The following TRIOBP variants were observed in gnomAD, a reference collection of about 807,000 sequenced individuals.
TRIOBP encodes the protein TRIO and F-actin binding protein.
In TRIOBP, 169 loss-of-function variants were observed where a neutral mutation model predicts 238.8. That is an observed-to-expected ratio of 0.71 (90% CI 0.62 to 0.80). TRIOBP has a LOEUF of 0.80. Among genes scored for constraint, TRIOBP ranks in the 30% least tolerant of loss-of-function variants. The pLI is 0.00. For missense variants in TRIOBP, 2,838 were observed against 3,122.6 expected, an observed-to-expected ratio of 0.91 and a Z score of 2.17; for synonymous variants, 1,150 against 1,274.4, an observed-to-expected ratio of 0.90 and a Z score of 2.08.
Position 37,775,794 on chromosome 22 carries a change from AAAG to A in TRIOBP, c.*2015_*2017del, listed in dbSNP as rs1927003358. 1 of 152,192 alleles carries A rather than the reference AAAG, an allele frequency of 6.6e-6. No individual in the cohort carries two copies. The allele number at this position is 152,192 out of a possible 1,614,324, so 9.4% of individuals were successfully genotyped here. On this transcript the variant is annotated 3_prime_UTR_variant, in exon 24 of 24. Coordinates refer to ENST00000644935, the MANE Select transcript of TRIOBP (RefSeq NM_001039141.3). The stretch of plus-strand genomic sequence containing the variant: ...AAGGGCGAAACTCCATCTCAAAAAA[AAAG>A]GGGGAGGGTGGCGCAAGGAGAGGAC...
intron 2 of TRIOBP, among the ~76,000 whole-genome samples, chr22:37,699,301 C>T (rs1013844158): frequency 9.9e-5 from 15 of 152,120 alleles, no homozygotes; most frequent in African/African-American, 2.9e-4. Flanking sequence ...TTGCCTCCCT[C>T]GCTGTGCTTC....
chr22:37,771,523 G>C (rs974081818), intron 21 of TRIOBP, 127 bp from the exon 22 acceptor site: 2 of 806,244 alleles, frequency 2.5e-6, no homozygotes, highest in African/African-American at 3.4e-5. Context: ...AGGATGTAGA[G>C]GGTTTTTGTG....
In TRIOBP at chr22:37,755,289, A is replaced by T; in HGVS notation, c.5577+99A>T. ...GAACATGGCTCACCATGGAGACTGGATCCCTTCACTCATTTACCCAGAGGC... is the reference window on the plus strand; with the variant it reads ...GAACATGGCTCACCATGGAGACTGGTTCCCTTCACTCATTTACCCAGAGGC... On this transcript the variant is annotated intron_variant, in intron 14 of 23. Coordinates refer to ENST00000644935, the MANE Select transcript of TRIOBP (RefSeq NM_001039141.3). 5 of 1,255,440 alleles carry T rather than the reference A, an allele frequency of 4.0e-6. No individual in the cohort carries two copies. The South Asian group carries it at 6.4e-5, about 16-fold the overall frequency. The allele number at this position is 1,255,440 out of a possible 1,614,324, so 77.8% of individuals were successfully genotyped here.
intron 3 of TRIOBP, among the ~76,000 whole-genome samples, chr22:37,702,975 TGAA>T (rs1242207698): frequency 6.6e-6 from 1 of 151,868 alleles, no homozygotes; most frequent in African/African-American, 2.4e-5. Context: ...ATTGAAGGAG[TGAA>T]GAAGAATCCT....
At chr22:37,753,630 A>T (rs932970298) in intron 12 of TRIOBP, among the ~76,000 whole-genome samples, 1 of 152,228 alleles carries the variant, frequency 6.6e-6, no homozygotes, top group Non-Finnish European at 1.5e-5. Flanking sequence ...TGAAGCTCAG[A>T]AAAGTGGAGA....
At chr22:37,741,073 T>C (rs1400659701) in intron 11 of TRIOBP, 41 bp downstream of exon 11, 1 of 1,546,578 alleles carries the variant, frequency 6.5e-7, no homozygotes, top group Admixed American at 2.0e-5. Context: ...TGAGGGTGGA[T>C]AGAGACGGGG....
intron 3 of TRIOBP, among the ~76,000 whole-genome samples, chr22:37,708,732 G>A (rs574747320): frequency 4.6e-5 from 7 of 152,208 alleles, no homozygotes; most frequent in Non-Finnish European, 8.8e-5. Flanking sequence ...ACAATGCTCC[G>A]AAAGGGGAAG....
rs772811639 is a variant in TRIOBP at position 37,715,831 on chromosome 22, G to C, written c.525G>C (p.Pro175=). The change falls in exon 6 of 24, where the codon CCG becomes CCC. Residue 175 remains proline, a synonymous_variant. Coordinates refer to ENST00000644935, the MANE Select transcript of TRIOBP (RefSeq NM_001039141.3). ...GGGACGAGCTCGCAGTGATGATCCC[G>C]AGGAGGCCTCGGGAGGGGCCGAGAG... ...PSWDELAVMI[P]RRPREGPRAD... 1 of 1,614,078 alleles carries C rather than the reference G, an allele frequency of 6.2e-7. No homozygotes were observed. Among genetic ancestry groups the C allele is most frequent in the East Asian group, 2.2e-5 (1 of 44,876 alleles).
intron 4 of TRIOBP, among the ~76,000 whole-genome samples, 195 bp downstream of exon 4, chr22:37,710,761 C>T (rs942135198): frequency 2.0e-5 from 3 of 152,156 alleles, no homozygotes; most frequent in Admixed American, 2.0e-4. Flanking sequence ...TCAGATCACA[C>T]CACCCTGTTT....
At chr22:37,773,393 A>G (rs532606876) in intron 23 of TRIOBP, among the ~76,000 whole-genome samples, 4 of 151,864 alleles carry the variant, frequency 2.6e-5, no homozygotes, top group Admixed American at 2.0e-4. Flanking sequence ...TAATTTTTGC[A>G]CTTTTTGTAT....
At chr22:37,743,168 G>A (rs569939525) in intron 11 of TRIOBP, among the ~76,000 whole-genome samples, 1 of 152,298 alleles carries the variant, frequency 6.6e-6, no homozygotes, top group South Asian at 2.1e-4. Flanking sequence ...TGGGAGTGAG[G>A]GAAATGAAGA....
In TRIOBP at chr22:37,725,248, C is replaced by T. The variant is rs2145834385; in HGVS notation, c.2692C>T (p.His898Tyr). Residue 898 changes from histidine to tyrosine, a missense_variant, in exon 7 of 24, where the codon CAT (histidine) becomes TAT (tyrosine). Physicochemically the swap from His to Tyr is moderately conservative, Grantham distance 83. Around this residue, in one of 5 missense-constraint regions of TRIOBP, gnomAD observed 2,096 missense variants for 2,137.4 expected, o/e 0.98. Coordinates refer to ENST00000644935, the MANE Select transcript of TRIOBP (RefSeq NM_001039141.3). Reference sequence around the variant, plus strand: ...GAACAATCCCAGGAATTCATCTCCCCATCGTACTAACAAAGACATCCCCTG... The same window carrying T: ...GAACAATCCCAGGAATTCATCTCCCTATCGTACTAACAAAGACATCCCCTG... ...QWNNPRNSSP[H>Y]RTNKDIPWAS... 5.0e-6 allele frequency: 8 copies of T among 1,614,066 alleles called. No homozygotes were observed. The highest frequency in any genetic ancestry group is 6.8e-6 in the Non-Finnish European group (8 of 1,180,032).
At chr22:37,715,545 A>G (rs1470679575) in intron 5 of TRIOBP, among the ~76,000 whole-genome samples, 1 of 150,690 alleles carries the variant, frequency 6.6e-6, no homozygotes, top group African/African-American at 2.4e-5. Flanking sequence ...GGGTTTCACC[A>G]TGTTTCCCAG....
chr22:37,724,827 C>G lies in TRIOBP; in HGVS notation c.2271C>G (p.Ser757=), dbSNP rs200515716. The G allele has an allele frequency of 2.5e-6, 4 of 1,613,782 alleles. No homozygotes were observed. The highest frequency in any genetic ancestry group is 2.7e-5 in the African/African-American group (2 of 74,966). Reference sequence around the variant, plus strand: ...CCCAGCGGGACAATCCCAGAGCCTCCTCTCCTAACAGAACCATCCAACAAG... The same window carrying G: ...CCCAGCGGGACAATCCCAGAGCCTCGTCTCCTAACAGAACCATCCAACAAG... The part of the protein sequence containing the change: ...SCAQRDNPRA[S]SPNRTIQQEN... The change falls in exon 7 of 24, where the codon TCC becomes TCG. Residue 757 remains serine (S), a synonymous_variant. Transcript: ENST00000644935.
Position 37,734,715 on chromosome 22 carries a change from G to A in TRIOBP, c.4379G>A (p.Trp1460Ter). 5.0e-6 allele frequency: 8 copies of A among 1,608,828 alleles called. No homozygotes were observed. Among genetic ancestry groups the A allele is most frequent in the Non-Finnish European group, 5.9e-6 (7 of 1,178,094 alleles). The change falls in exon 9 of 24, where the codon TGG (tryptophan) becomes TAG (stop). Residue 1460 changes from tryptophan to a stop codon, truncating the protein, a stop_gained. Coordinates refer to ENST00000644935, the MANE Select transcript of TRIOBP (RefSeq NM_001039141.3). LOFTEE classifies it high-confidence loss of function. ...GGAGGCCTGGGCCCTGGGGGCTGGT[G>A]GGGATGTGGAGAGCCCAGCCTGGGG... ...QEGGLGPGGW[W>*]GCGEPSLGAA...
chr22:37,704,930 A>C (rs910919158), intron 3 of TRIOBP, among the ~76,000 whole-genome samples: 7 of 150,124 alleles, frequency 4.7e-5, no homozygotes, highest in Admixed American at 2.7e-4. Context: ...AAAATTAGCC[A>C]GGCAGGATGG....
At chr22:37,703,771 C>G (rs1922784978) in intron 3 of TRIOBP, among the ~76,000 whole-genome samples, 1 of 151,980 alleles carries the variant, frequency 6.6e-6, no homozygotes, top group Non-Finnish European at 1.5e-5. Flanking sequence ...TCCCAAAGTG[C>G]TGGGATTACA....
At chr22:37,728,747 AG>A (rs1385073917) in intron 7 of TRIOBP, among the ~76,000 whole-genome samples, 1 of 151,958 alleles carries the variant, frequency 6.6e-6, no homozygotes, top group Non-Finnish European at 1.5e-5. Flanking sequence ...TGTACTGGGC[AG>A]TAGGGTGATA....
rs1306583709 is a variant in TRIOBP at position 37,765,699 on chromosome 22, G to T, written c.6354G>T (p.Met2118Ile). Residue 2118 changes from methionine (M) to isoleucine (I), a missense_variant, in exon 18 of 24, where the codon ATG becomes ATT. Physicochemically the swap from Met to Ile is conservative, Grantham distance 10 (BLOSUM62 1). Coordinates refer to ENST00000644935, the MANE Select transcript of TRIOBP (RefSeq NM_001039141.3). ...QEACERSLAE[M>I]ESSHQQVMEE... is the part of the protein sequence containing the mutation. The stretch of plus-strand genomic sequence containing the variant: ...CATGTGAGCGCAGCCTGGCAGAGAT[G>T]GAGTCCTCGCACCAGCAGGTGATGG... The T allele has an allele frequency of 6.4e-7, 1 of 1,553,558 alleles. No homozygotes were observed.
Sources: allele counts gnomAD v4.1 joint callset (sites outside exome capture counted in the v4.1 genomes callset), GRCh38; gene constraint gnomAD v4.1.1; regional missense constraint gnomAD v4.1.1; transcripts MANE v1.5; gene names NCBI Gene and HGNC (gene_info 2026-07-23, HGNC 2026-07-21).